Variants in C8orf34 observed in about 807,000 individuals in gnomAD.
C8orf34 encodes uncharacterized protein C8orf34.
A neutral mutation model predicts 68.3 loss-of-function variants in C8orf34; 65 were observed. The ratio of observed to expected loss-of-function variants is 0.95; its 90% confidence interval spans 0.78 to 1.17. The LOEUF is 1.17. Among genes scored for constraint, C8orf34 ranks in the 50% most tolerant of loss-of-function variants. The pLI is 0.00. For missense variants in C8orf34, 664 were observed against 655.4 expected, an observed-to-expected ratio of 1.01 and a Z score of -0.14; for synonymous variants, 244 against 241.2, an observed-to-expected ratio of 1.01 and a Z score of -0.11.
chr8:68,426,724 C>T (rs894341429), intron 1 of C8orf34, among the ~76,000 whole-genome samples: 1 of 151,808 alleles, frequency 6.6e-6, no homozygotes, highest in Non-Finnish European at 1.5e-5. Flanking sequence ...AAAAAATTAG[C>T]TGGGTGTGGT....
intron 8 of C8orf34, among the ~76,000 whole-genome samples, chr8:68,688,307 C>G (rs1039509690): frequency 6.6e-6 from 1 of 151,930 alleles, no homozygotes; most frequent in Non-Finnish European, 1.5e-5. Flanking sequence ...CATACACTCA[C>G]GTTTATTGCA....
chr8:68,552,323 A>G (rs1470205790), intron 7 of C8orf34, among the ~76,000 whole-genome samples: 1 of 152,206 alleles, frequency 6.6e-6, no homozygotes, highest in African/African-American at 2.4e-5. Flanking sequence ...ATTCTAATTC[A>G]TTAACATGCA....
intron 7 of C8orf34, chr8:68,625,724 A>G: frequency 1.7e-6 from 1 of 588,458 alleles, no homozygotes; most frequent in South Asian, 2.0e-5. Context: ...TATGGCCAAT[A>G]TACATCAACA....
intron 7 of C8orf34, among the ~76,000 whole-genome samples, chr8:68,589,845 A>C: frequency 7.0e-6 from 1 of 143,154 alleles, no homozygotes; most frequent in African/African-American, 2.7e-5. Context: ...AAGTAAAAAG[A>C]AAAAGAGAGA....
At chr8:68,397,061 C>T (rs945562830) in intron 1 of C8orf34, among the ~76,000 whole-genome samples, 4 of 151,850 alleles carry the variant, frequency 2.6e-5, no homozygotes, top group Admixed American at 1.3e-4. Context: ...GGCTGGAGTG[C>T]AGTGGCACGA....
chr8:68,735,566 A>G (rs1007964702), intron 10 of C8orf34, among the ~76,000 whole-genome samples: 2 of 151,780 alleles, frequency 1.3e-5, no homozygotes, highest in Admixed American at 6.6e-5. Context: ...CAAAACATTT[A>G]CTTATGTTAA....
intron 8 of C8orf34, among the ~76,000 whole-genome samples, chr8:68,673,938 A>G (rs528065312): frequency 6.6e-6 from 1 of 152,290 alleles, no homozygotes; most frequent in East Asian, 1.9e-4. Flanking sequence ...ACACACAGCA[A>G]GCGACTTTGT....
intron 8 of C8orf34, among the ~76,000 whole-genome samples, chr8:68,665,674 T>C (rs768382583): frequency 7.2e-5 from 11 of 152,200 alleles, no homozygotes; most frequent in Non-Finnish European, 1.5e-4. Flanking sequence ...TTGCTGTTTC[T>C]CCTGACTGAT....
intron 1 of C8orf34, among the ~76,000 whole-genome samples, chr8:68,347,671 G>T (rs1419315719): frequency 6.6e-6 from 1 of 151,982 alleles, no homozygotes; most frequent in Non-Finnish European, 1.5e-5. Flanking sequence ...GTGTGAGATG[G>T]TATCTCACTG....
chr8:68,418,422 G>T (rs543769008), intron 1 of C8orf34, among the ~76,000 whole-genome samples: 2 of 152,182 alleles, frequency 1.3e-5, no homozygotes, highest in South Asian at 4.1e-4. Context: ...TATGATATTG[G>T]CTGTGGGTTT....
At chr8:68,571,053 G>A (rs563965231) in intron 7 of C8orf34, among the ~76,000 whole-genome samples, 2 of 152,076 alleles carry the variant, frequency 1.3e-5, no homozygotes, top group African/African-American at 2.4e-5. Context: ...GAAATCACTG[G>A]GAAATGGCAC....
chr8:68,494,211 G>C (rs560825072), intron 5 of C8orf34, among the ~76,000 whole-genome samples: 3 of 152,152 alleles, frequency 2.0e-5, no homozygotes, highest in Admixed American at 1.3e-4. Flanking sequence ...GAAGGTAATA[G>C]TGTTCCATAC....
intron 7 of C8orf34, among the ~76,000 whole-genome samples, chr8:68,570,650 C>T (rs1816735306): frequency 1.3e-5 from 2 of 152,266 alleles, no homozygotes; most frequent in South Asian, 2.1e-4. Context: ...AGTAAAAGCC[C>T]TGTGAAATAA....
intron 3 of C8orf34, among the ~76,000 whole-genome samples, chr8:68,454,002 T>TCTC (rs747284363): frequency 3.3e-5 from 5 of 152,042 alleles, no homozygotes; most frequent in Non-Finnish European, 5.9e-5. Context: ...CGCATTTTTT[T>TCTC]CCAGTGCTTT....
At chr8:68,563,211 T>C (rs984489512) in intron 7 of C8orf34, among the ~76,000 whole-genome samples, 1 of 152,178 alleles carries the variant, frequency 6.6e-6, no homozygotes, top group Non-Finnish European at 1.5e-5. Context: ...CAATTTTTTT[T>C]AAAACAGTAA....
intron 8 of C8orf34, among the ~76,000 whole-genome samples, chr8:68,659,148 A>G (rs941489066): frequency 6.6e-6 from 1 of 152,010 alleles, no homozygotes; most frequent in Non-Finnish European, 1.5e-5. Context: ...TAGATTTTAT[A>G]TTGGAGACCT....
chr8:68,357,917 C>T (rs139044849), intron 1 of C8orf34, among the ~76,000 whole-genome samples: 19 of 152,272 alleles, frequency 1.2e-4, no homozygotes, highest in Admixed American at 4.6e-4. Flanking sequence ...GGAAAACTCA[C>T]GGCCCTGACA....
At chr8:68,629,075 TATAAC>T (rs1429481700) in intron 7 of C8orf34, among the ~76,000 whole-genome samples, 37 of 152,288 alleles carry the variant, frequency 2.4e-4, no homozygotes, top group African/African-American at 8.4e-4. Flanking sequence ...AGTTCTTAAA[TATAAC>T]ATTCATATAA....
chr8:68,549,540 G>A (rs1008774099), intron 7 of C8orf34, among the ~76,000 whole-genome samples: 8 of 151,588 alleles, frequency 5.3e-5, no homozygotes, highest in African/African-American at 1.9e-4. Flanking sequence ...CTTAGTATCT[G>A]TGCATTTCAC....
Sources: gnomAD v4.1 joint callset for allele counts (sites outside exome capture counted in the v4.1 genomes callset) on GRCh38, gnomAD v4.1.1 for gene constraint, MANE v1.5 for transcripts, NCBI Gene and HGNC (gene_info 2026-07-23, HGNC 2026-07-21) for gene names.